NLE1: variants seen among roughly 807,000 people sequenced by gnomAD.
NLE1 encodes notchless homolog 1.
In NLE1, 37 loss-of-function variants were observed where a neutral mutation model predicts 62.8. The observed-to-expected ratio is 0.59, with a 90% CI of 0.45 to 0.78. The LOEUF is 0.78. Among genes scored for constraint, NLE1 ranks in the 30% least tolerant of loss-of-function variants. NLE1 has a pLI of 0.00. For missense variants in NLE1, 555 were observed against 637.9 expected, an observed-to-expected ratio of 0.87 and a Z score of 1.40; for synonymous variants, 243 against 253.0, an observed-to-expected ratio of 0.96 and a Z score of 0.37.
In NLE1 at chr17:35,129,432, C is replaced by G. The variant is rs759503360; in HGVS notation, c.*3005G>C. ...TCTCTCTTCCCCTAGATTTCCTGGA[C>G]CTACGCCTTGGGCAAGCAGCCGGTC... On this transcript the variant is annotated 3_prime_UTR_variant, in exon 13 of 13. Transcript: ENST00000442241. 1 of 1,613,884 alleles carries G rather than the reference C, an allele frequency of 6.2e-7. No homozygotes were observed. Among genetic ancestry groups the G allele is most frequent in the Non-Finnish European group, 8.5e-7 (1 of 1,179,780 alleles).
rs1597890000 is a variant in NLE1, at chr17:35,135,223, G to A, written c.1214+26C>T. ...CCCCTCCCACCATTCACTCCTTACA[G>A]AGAAGCAGTACCCACCCCTACTCAC... On this transcript the variant is annotated intron_variant, in intron 10 of 12. Coordinates refer to ENST00000442241, the MANE Select transcript of NLE1 (RefSeq NM_018096.5). The A allele has an allele frequency of 3.1e-6, 5 of 1,607,324 alleles. No individual in the cohort carries two copies. The East Asian group carries it at 8.9e-5, about 29-fold the overall frequency.
At position 35,129,813 on chromosome 17, in the gene NLE1, G is replaced by A. The variant is rs1386699062; in HGVS notation, c.*2624C>T. 3 of 1,440,022 alleles carry A rather than the reference G, an allele frequency of 2.1e-6. No individual in the cohort carries two copies. The highest frequency in any genetic ancestry group is 2.7e-6 in the Non-Finnish European group (3 of 1,101,512). 89.2% of individuals were successfully genotyped at this position (1,440,022 alleles called of 1,614,324 possible). ...AAGAAGCATCAATTCCAGAATGCAT[G>A]CTTCTGGGAGGTTTAAGGATTAAGC... On this transcript the variant is annotated 3_prime_UTR_variant, in exon 13 of 13. Coordinates refer to ENST00000442241, the MANE Select transcript of NLE1 (RefSeq NM_018096.5).
intron 10 of NLE1, among the ~76,000 whole-genome samples, chr17:35,134,296 A>G (rs911656696): frequency 1.3e-5 from 2 of 152,188 alleles, no homozygotes; most frequent in African/African-American, 2.4e-5. Context: ...GCCAAGTAAC[A>G]ATTGTACCAC....
At chr17:35,137,477 G>A in intron 6 of NLE1, 66 bp downstream of exon 6, 1 of 1,324,896 alleles carries the variant, frequency 7.5e-7, no homozygotes, top group South Asian at 1.2e-5. Flanking sequence ...TCTATGCATT[G>A]GGCAGGGAAA....
In NLE1 at chr17:35,142,298, A is replaced by T; in HGVS notation, c.-23T>A. On this transcript the variant is annotated 5_prime_UTR_variant, in exon 1 of 13. Coordinates refer to ENST00000442241, the MANE Select transcript of NLE1 (RefSeq NM_018096.5). Reference sequence around the variant, plus strand: ...CATCCTGCGTCCCCACGTGGAGGAGAAAGAGCCCGGCAGACAGAGCGCCGT... The same window carrying T: ...CATCCTGCGTCCCCACGTGGAGGAGTAAGAGCCCGGCAGACAGAGCGCCGT... 1 of 1,536,294 alleles carries T rather than the reference A, an allele frequency of 6.5e-7. No homozygotes were observed. Among genetic ancestry groups the T allele is most frequent in the Non-Finnish European group, 8.7e-7 (1 of 1,144,424 alleles).
intron 1 of NLE1, 46 bp downstream of exon 1, chr17:35,142,212 T>C: frequency 1.3e-6 from 2 of 1,572,424 alleles, no homozygotes; most frequent in Non-Finnish European, 1.7e-6. Flanking sequence ...ACCCGGGCCC[T>C]AGCGCCCCGC....
At chr17:35,140,472 A>G (rs556488421) in intron 2 of NLE1, among the ~76,000 whole-genome samples, 1 of 151,974 alleles carries the variant, frequency 6.6e-6, no homozygotes, top group Admixed American at 6.6e-5. Context: ...CAGGTGATCC[A>G]CCTGCCTCGG....
chr17:35,137,767 G>A (rs530099553), intron 5 of NLE1, 47 bp downstream of exon 5: 13 of 1,422,844 alleles, frequency 9.1e-6, no homozygotes, highest in Admixed American at 6.9e-5. Context: ...CTGTCTCCTA[G>A]GAAGGCCCCC....
At chr17:35,135,975 T>TA (rs1286991029) in intron 9 of NLE1, among the ~76,000 whole-genome samples, 194 bp downstream of exon 9, 1 of 152,148 alleles carries the variant, frequency 6.6e-6, no homozygotes, top group Non-Finnish European at 1.5e-5. Flanking sequence ...GCAAATAAAC[T>TA]AAACAAAAAA....
At chr17:35,141,643 C>T (rs2091944813) in intron 2 of NLE1, among the ~76,000 whole-genome samples, 1 of 151,958 alleles carries the variant, frequency 6.6e-6, no homozygotes. Flanking sequence ...CTGCTACCTA[C>T]TACATAGCAT....
intron 4 of NLE1, 109 bp from the exon 5 acceptor site, chr17:35,137,999 T>C (rs879366373): frequency 1.7e-5 from 13 of 754,572 alleles, no homozygotes; most frequent in Middle Eastern, 2.7e-4. Context: ...AATAAATGAA[T>C]GATTGAACAA....
rs751478040 is a variant in NLE1 at position 35,142,022 on chromosome 17, G to T, written c.119C>A (p.Thr40Asn). ...GCACACGAGCTGCAGCCTGTCCGGG[G>T]TGATGTCCACGGGCACGTCGAACGG... ...GSPFDVPVDI[T>N]PDRLQLVCNA... is the part of the protein sequence containing the mutation. Residue 40 changes from threonine (T) to asparagine (N), a missense_variant, in exon 2 of 13, where the codon ACC (threonine) becomes AAC (asparagine). Coordinates refer to ENST00000442241, the MANE Select transcript of NLE1 (RefSeq NM_018096.5). 1 of 1,608,072 alleles carries T rather than the reference G, an allele frequency of 6.2e-7. No homozygotes were observed. Among genetic ancestry groups the T allele is most frequent in the Non-Finnish European group, 8.5e-7 (1 of 1,178,030 alleles).
chr17:35,135,835 T>G (rs1250117952), intron 9 of NLE1, among the ~76,000 whole-genome samples: 2 of 152,248 alleles, frequency 1.3e-5, no homozygotes, highest in African/African-American at 4.8e-5. Flanking sequence ...CTGGTGGCAC[T>G]GGATGCTACA....
intron 9 of NLE1, 57 bp from the exon 10 acceptor site, chr17:35,135,508 G>T: frequency 6.5e-7 from 1 of 1,528,132 alleles, no homozygotes. Context: ...AAGGAGGAGG[G>T]CCCGACTTTG....
At position 35,142,019 on chromosome 17, in the gene NLE1, G is replaced by A. The variant is rs1303133244; in HGVS notation, c.122C>T (p.Pro41Leu). Residue 41 changes from proline (P) to leucine (L), a missense_variant, in exon 2 of 13, where the codon CCG becomes CTG. Coordinates refer to ENST00000442241, the MANE Select transcript of NLE1 (RefSeq NM_018096.5). ...SPFDVPVDIT[P>L]DRLQLVCNAL... Reference sequence around the variant, plus strand: ...GTTGCACACGAGCTGCAGCCTGTCCGGGGTGATGTCCACGGGCACGTCGAA... The same window carrying A: ...GTTGCACACGAGCTGCAGCCTGTCCAGGGTGATGTCCACGGGCACGTCGAA... The A allele has an allele frequency of 6.2e-7, 1 of 1,606,914 alleles. No individual in the cohort carries two copies. Among genetic ancestry groups the A allele is most frequent in the African/African-American group, 1.3e-5 (1 of 75,004 alleles).
In NLE1 at chr17:35,129,205, C is replaced by T; in HGVS notation, c.*3232G>A. On this transcript the variant is annotated 3_prime_UTR_variant, in exon 13 of 13. Transcript: ENST00000442241. ...ATAAGAAATATGGAATGAGGGTGTA[C>T]CCTAAAGTGGGTGGGGCTGCCCAGG... 3.4e-6 allele frequency: 2 copies of T among 596,992 alleles called. No homozygotes were observed. The highest frequency in any genetic ancestry group is 2.0e-5 in the South Asian group (1 of 48,848). The allele number at this position is 596,992 out of a possible 1,614,324, so 37.0% of individuals were successfully genotyped here.
In NLE1 at chr17:35,131,596, A is replaced by AG. The variant is rs1171528440; in HGVS notation, c.*840dup. On this transcript the variant is annotated 3_prime_UTR_variant, in exon 13 of 13. Transcript: ENST00000442241. Reference sequence around the variant, plus strand: ...GCTCATACTGCTGCCTCCCCATCTGAGGGAATCCTCTGGAAGAGCCATCAC... The same window carrying AG: ...GCTCATACTGCTGCCTCCCCATCTGAGGGGAATCCTCTGGAAGAGCCATCAC... 4 of 152,288 alleles carry AG rather than the reference A, an allele frequency of 2.6e-5. No individual in the cohort carries two copies. The highest frequency in any genetic ancestry group is 4.8e-5 in the African/African-American group (2 of 41,448). The allele number at this position is 152,288 out of a possible 1,614,324, so 9.4% of individuals were successfully genotyped here.
chr17:35,129,906 A>G lies in NLE1; in HGVS notation c.*2531T>C. ...ACATCACTATAATGTTCCCCTTCCAAAGCCATTGGTTTTTAGACTCTGCAA... is the reference window on the plus strand; with the variant it reads ...ACATCACTATAATGTTCCCCTTCCAGAGCCATTGGTTTTTAGACTCTGCAA... On this transcript the variant is annotated 3_prime_UTR_variant, in exon 13 of 13. Transcript: ENST00000442241. The G allele has an allele frequency of 1.4e-6, 2 of 1,395,436 alleles. No individual in the cohort carries two copies. The highest frequency in any genetic ancestry group is 3.2e-5 in the South Asian group (2 of 62,636). 86.4% of individuals were successfully genotyped at this position (1,395,436 alleles called of 1,614,324 possible). A position where few individuals can be genotyped will look rare whatever the true frequency, so the allele number is the denominator to read the frequency against.
chr17:35,136,310 G>C (rs2091908337), intron 8 of NLE1, 52 bp downstream of exon 8: 1 of 1,608,612 alleles, frequency 6.2e-7, no homozygotes, highest in Non-Finnish European at 8.5e-7. Context: ...TTAAGCTTGA[G>C]AACTGGCTCC....
Sources: gnomAD v4.1 joint callset for allele counts (sites outside exome capture counted in the v4.1 genomes callset) on GRCh38, gnomAD v4.1.1 for gene constraint, MANE v1.5 for transcripts, NCBI Gene and HGNC (gene_info 2026-07-23, HGNC 2026-07-21) for gene names.